The following KALRN variants were observed in gnomAD, a reference collection of about 807,000 sequenced individuals.
The protein encoded by KALRN is kalirin.
KALRN carries 70 observed loss-of-function variants against 353.7 expected under a neutral mutation model. The observed-to-expected ratio is 0.20, with a 90% CI of 0.16 to 0.24. The LOEUF (loss-of-function observed/expected upper bound fraction) is 0.24, where lower values mean the gene tolerates loss of function less well. Among genes scored for constraint, KALRN ranks in the 10% least tolerant of loss-of-function variants. KALRN has a pLI of 1.00. For missense variants in KALRN, 2,791 were observed against 3,756.7 expected (o/e 0.74, Z 6.72); for synonymous variants, 1,391 against 1,434.8 (o/e 0.97, Z 0.69).
intron 1 of KALRN, among the ~76,000 whole-genome samples, chr3:124,080,408 C>G (rs1334851292): frequency 6.6e-6 from 1 of 152,076 alleles, no homozygotes; most frequent in Non-Finnish European, 1.5e-5. Context: ...GGAGGTAGAT[C>G]CTGGTATTAG....
At chr3:124,175,663 G>A (rs185809349) in intron 1 of KALRN, among the ~76,000 whole-genome samples, 1 of 150,414 alleles carries the variant, frequency 6.6e-6, no homozygotes, top group African/African-American at 2.4e-5. Context: ...GTCCAGGTCT[G>A]TTCTCCAGGA....
At chr3:124,082,174 G>A (rs181561570) in intron 1 of KALRN, 6 of 442,456 alleles carry the variant, frequency 1.4e-5, no homozygotes, top group Admixed American at 1.3e-4. Context: ...CTGGGGTTTG[G>A]CAGCACCATT....
At chr3:124,187,548 C>T (rs115555485) in intron 1 of KALRN, among the ~76,000 whole-genome samples, 3,260 of 152,286 alleles carry the variant, frequency 0.021, 129 homozygotes, top group African/African-American at 0.074. Flanking sequence ...TTTCTATTCC[C>T]CTGGAGATTT....
At chr3:124,069,283 C>T (rs779652259) in intron 1 of KALRN, among the ~76,000 whole-genome samples, 2 of 142,186 alleles carry the variant, frequency 1.4e-5, no homozygotes, top group Non-Finnish European at 3.0e-5. Context: ...ATTGGATCAC[C>T]CTGGAGGGAA....
At chr3:124,623,846 G>A (rs1289052065) in intron 34 of KALRN, among the ~76,000 whole-genome samples, 4 of 152,208 alleles carry the variant, frequency 2.6e-5, no homozygotes, top group Non-Finnish European at 5.9e-5. Flanking sequence ...GTTTGACACA[G>A]ACAATGGACT....
intron 18 of KALRN, 130 bp from the exon 19 acceptor site, chr3:124,441,815 G>C: frequency 1.9e-6 from 1 of 537,666 alleles, no homozygotes; most frequent in Non-Finnish European, 3.3e-6. Context: ...AACAGAGTGA[G>C]ACTCTGTCTC....
chr3:124,609,190 TC>T (rs1392433166), intron 34 of KALRN, among the ~76,000 whole-genome samples: 3 of 152,000 alleles, frequency 2.0e-5, no homozygotes, highest in African/African-American at 7.2e-5. Flanking sequence ...CAGAAACTTT[TC>T]TTTTTCCTCA....
chr3:124,446,512 C>T (rs765595846), intron 20 of KALRN, among the ~76,000 whole-genome samples: 3 of 152,168 alleles, frequency 2.0e-5, no homozygotes, highest in Non-Finnish European at 2.9e-5. Context: ...GCCCCTAATT[C>T]GTGGATGATA....
intron 33 of KALRN, among the ~76,000 whole-genome samples, chr3:124,513,081 G>A (rs1433354539): frequency 6.6e-6 from 1 of 152,092 alleles, no homozygotes; most frequent in African/African-American, 2.4e-5. Context: ...CTGACTTGCA[G>A]GACTGGCAGA....
At chr3:124,552,927 G>A (rs535542580) in intron 33 of KALRN, among the ~76,000 whole-genome samples, 3 of 152,154 alleles carry the variant, frequency 2.0e-5, no homozygotes, top group East Asian at 3.9e-4. Context: ...CACCATGCCC[G>A]GCTAATTTTT....
intron 12 of KALRN, among the ~76,000 whole-genome samples, chr3:124,398,261 A>AT (rs963913786): frequency 4.6e-5 from 7 of 152,194 alleles, no homozygotes; most frequent in African/African-American, 9.6e-5. Context: ...AACTAGGAAG[A>AT]TTTTTTTTAA....
intron 11 of KALRN, among the ~76,000 whole-genome samples, chr3:124,390,904 G>A (rs1475456795): frequency 6.6e-6 from 1 of 151,928 alleles, no homozygotes; most frequent in Non-Finnish European, 1.5e-5. Context: ...TTCTCAGGCT[G>A]CCCCATTATG....
At chr3:124,646,715 A>G (rs1312109720) in intron 37 of KALRN, among the ~76,000 whole-genome samples, 1 of 146,294 alleles carries the variant, frequency 6.8e-6, no homozygotes, top group East Asian at 2.0e-4. Flanking sequence ...TTTTTTTTTA[A>G]TTAATAGTTC....
intron 1 of KALRN, chr3:124,151,936 A>T (rs570215148): frequency 1.1e-6 from 1 of 928,202 alleles, no homozygotes; most frequent in East Asian, 2.4e-5. Context: ...TGACCAGCTT[A>T]GAAAAATAAT....
intron 15 of KALRN, among the ~76,000 whole-genome samples, chr3:124,428,077 T>C (rs989784224): frequency 6.6e-6 from 1 of 152,206 alleles, no homozygotes; most frequent in Non-Finnish European, 1.5e-5. Context: ...TTAATTATGA[T>C]GTTTCTTAAC....
chr3:124,549,525 T>TA (rs1349866904), intron 33 of KALRN, among the ~76,000 whole-genome samples: 1 of 152,158 alleles, frequency 6.6e-6, no homozygotes, highest in African/African-American at 2.4e-5. Flanking sequence ...GAAGCCACTC[T>TA]AAAAATGACT....
chr3:124,323,730 G>T (rs2079580730), intron 6 of KALRN, among the ~76,000 whole-genome samples: 1 of 152,148 alleles, frequency 6.6e-6, no homozygotes, highest in African/African-American at 2.4e-5. Flanking sequence ...GAGTATACAA[G>T]GCCTTTCTCC....
At chr3:124,564,204 CAAAAAAAAAAA>C (rs58917238) in intron 34 of KALRN, among the ~76,000 whole-genome samples, 11 of 73,936 alleles carry the variant, frequency 1.5e-4, no homozygotes, top group South Asian at 1.1e-3. Flanking sequence ...AACTCCGTCT[CAAAAAAAAAAA>C]AAAAAAAAAA....
At chr3:124,613,471 T>TA (rs2078230629) in intron 34 of KALRN, among the ~76,000 whole-genome samples, 2 of 152,202 alleles carry the variant, frequency 1.3e-5, no homozygotes, top group Admixed American at 1.3e-4. Context: ...CAGGGCAAGA[T>TA]ATCAGTTTGT....
Sources: allele counts gnomAD v4.1 joint callset (sites outside exome capture counted in the v4.1 genomes callset), GRCh38; gene constraint gnomAD v4.1.1; transcripts MANE v1.5; gene names NCBI Gene and HGNC (gene_info 2026-07-23, HGNC 2026-07-21).